STARD13: variants seen among roughly 807,000 people sequenced by gnomAD.
The protein encoded by STARD13 is StAR related lipid transfer domain containing 13.
Under a neutral mutation model 106.4 loss-of-function variants are expected in STARD13, and 62 were observed. That is an observed-to-expected ratio of 0.58 (90% CI 0.48 to 0.72). The LOEUF (loss-of-function observed/expected upper bound fraction) is 0.72, where lower values mean the gene tolerates loss of function less well. Among genes scored for constraint, STARD13 ranks in the 30% least tolerant of loss-of-function variants. The probability of loss-of-function intolerance (pLI) is 0.00; values close to 1 mark genes in which losing one functional copy is unlikely to be tolerated. For synonymous variants in STARD13, 565 were observed against 553.0 expected, an observed-to-expected ratio of 1.02 and a Z score of -0.31; for missense variants, 1,387 against 1,424.0, an observed-to-expected ratio of 0.97 and a Z score of 0.42.
the STARD13 span, among the ~76,000 whole-genome samples, chr13:33,442,962 G>C: frequency 6.6e-6 from 1 of 152,106 alleles, no homozygotes; most frequent in Non-Finnish European, 1.5e-5. Context: ...GAAGGAATAG[G>C]GAGTTATTGA....
chr13:33,224,785 A>G (rs557556787), intron 1 of STARD13, among the ~76,000 whole-genome samples: 120 of 152,262 alleles, frequency 7.9e-4, no homozygotes, highest in Non-Finnish European at 1.5e-3. Flanking sequence ...TTCAGAAAAC[A>G]ACATCAGCAA....
chr13:33,200,114 G>C (rs1355472158), intron 1 of STARD13, among the ~76,000 whole-genome samples: 3 of 152,214 alleles, frequency 2.0e-5, no homozygotes, highest in Admixed American at 2.0e-4. Flanking sequence ...ACAGGTCTTT[G>C]GGGAGGCCCC....
the STARD13 span, among the ~76,000 whole-genome samples, chr13:33,663,122 A>G: frequency 6.6e-6 from 1 of 152,166 alleles, no homozygotes; most frequent in African/African-American, 2.4e-5. Context: ...TCTGTCACCC[A>G]GACTGGAGCG....
At chr13:33,201,991 C>T (rs1887071658) in intron 1 of STARD13, among the ~76,000 whole-genome samples, 1 of 151,714 alleles carries the variant, frequency 6.6e-6, no homozygotes, top group Admixed American at 6.6e-5. Context: ...TCATGCTGAA[C>T]ATCTTTGTTC....
At chr13:33,222,996 T>C (rs1888437128) in intron 1 of STARD13, among the ~76,000 whole-genome samples, 1 of 152,220 alleles carries the variant, frequency 6.6e-6, no homozygotes, top group South Asian at 2.1e-4. Flanking sequence ...ACGATAACTT[T>C]CAAAGGAAAA....
chr13:33,617,942 C>A, the STARD13 span, among the ~76,000 whole-genome samples: 1 of 152,312 alleles, frequency 6.6e-6, no homozygotes, highest in Non-Finnish European at 1.5e-5. Context: ...TATTTTAGAG[C>A]AGGAGGACCT....
chr13:33,309,713 T>C (rs1306727584), intron 1 of STARD13, among the ~76,000 whole-genome samples: 1 of 152,176 alleles, frequency 6.6e-6, no homozygotes, highest in Non-Finnish European at 1.5e-5. Context: ...TTTTGTAGAA[T>C]TTGCAACGTT....
At chr13:33,503,301 T>C in the STARD13 span, among the ~76,000 whole-genome samples, 1 of 152,188 alleles carries the variant, frequency 6.6e-6, no homozygotes, top group African/African-American at 2.4e-5. Context: ...GCTAGCAGTC[T>C]ATCAATTTTG....
At chr13:33,204,739 G>A (rs1005039866) in intron 1 of STARD13, among the ~76,000 whole-genome samples, 1 of 152,228 alleles carries the variant, frequency 6.6e-6, no homozygotes, top group Non-Finnish European at 1.5e-5. Flanking sequence ...GCATAAAACA[G>A]TTCTCCTCTC....
intron 1 of STARD13, among the ~76,000 whole-genome samples, chr13:33,251,719 A>G (rs1221131239): frequency 2.6e-5 from 4 of 152,218 alleles, no homozygotes; most frequent in African/African-American, 9.6e-5. Context: ...GGGCATATCT[A>G]TATGTTGGGT....
At chr13:33,156,229 A>C (rs1325353504) in intron 3 of STARD13, among the ~76,000 whole-genome samples, 3 of 152,236 alleles carry the variant, frequency 2.0e-5, no homozygotes, top group Non-Finnish European at 4.4e-5. Flanking sequence ...CTTAGTATAG[A>C]ATATTCCAAG....
At chr13:33,388,305 T>G in the STARD13 span, among the ~76,000 whole-genome samples, 1 of 152,192 alleles carries the variant, frequency 6.6e-6, no homozygotes, top group African/African-American at 2.4e-5. Flanking sequence ...TTAGAGCAAG[T>G]AGCCAGAGAT....
intron 7 of STARD13, among the ~76,000 whole-genome samples, chr13:33,122,825 C>T (rs1219918983): frequency 1.3e-5 from 2 of 151,928 alleles, no homozygotes; most frequent in Admixed American, 1.3e-4. Context: ...GAGGCCGAGG[C>T]GGGTGGATCA....
the STARD13 span, among the ~76,000 whole-genome samples, chr13:33,552,210 A>G: frequency 6.6e-6 from 1 of 152,196 alleles, no homozygotes; most frequent in South Asian, 2.1e-4. Context: ...CCCAATCTCG[A>G]TAATTGATGA....
At chr13:33,562,400 C>A in the STARD13 span, among the ~76,000 whole-genome samples, 1 of 146,756 alleles carries the variant, frequency 6.8e-6, no homozygotes, top group African/African-American at 2.5e-5. Context: ...CCCCCATGTT[C>A]AATGTCTATC....
chr13:33,299,603 G>T (rs1281949182), intron 1 of STARD13, among the ~76,000 whole-genome samples: 1 of 152,176 alleles, frequency 6.6e-6, no homozygotes, highest in Non-Finnish European at 1.5e-5. Flanking sequence ...GAGGTCCCTT[G>T]AGGTCCTGTG....
intron 1 of STARD13, among the ~76,000 whole-genome samples, chr13:33,242,178 C>T (rs1177718947): frequency 6.6e-6 from 1 of 152,182 alleles, no homozygotes; most frequent in Non-Finnish European, 1.5e-5. Context: ...TGAGGAGCCC[C>T]TCCGCCCAGC....
chr13:33,624,225 G>A, the STARD13 span, among the ~76,000 whole-genome samples: 1 of 152,146 alleles, frequency 6.6e-6, no homozygotes, highest in Non-Finnish European at 1.5e-5. Context: ...CAACCCAAAT[G>A]TCCTCCAACA....
chr13:33,519,839 TA>T, the STARD13 span: 1 of 152,164 alleles, frequency 6.6e-6, no homozygotes, highest in Non-Finnish European at 1.5e-5. Context: ...AAGTCCTGCA[TA>T]GAGCCAACTC....
Sources: allele counts gnomAD v4.1 joint callset (sites outside exome capture counted in the v4.1 genomes callset), GRCh38; gene constraint gnomAD v4.1.1; transcripts MANE v1.5; gene names NCBI Gene and HGNC (gene_info 2026-07-23, HGNC 2026-07-21).